Variants in ARL8B observed in about 807,000 individuals in gnomAD.
ARL8B encodes the protein ADP-ribosylation factor-like protein 8B.
ARL8B carries 9 observed loss-of-function variants against 30.6 expected under a neutral mutation model. The ratio of observed to expected loss-of-function variants is 0.29; its 90% confidence interval spans 0.18 to 0.51. The LOEUF is 0.51. ARL8B is among the 20% of genes least tolerant of loss of function. The pLI, the probability that ARL8B is intolerant of heterozygous loss-of-function variation, is 0.97. For synonymous variants in ARL8B, 74 were observed against 76.0 expected (o/e 0.97, Z 0.14); for missense variants, 130 against 227.2 (o/e 0.57, Z 2.75).
chr3:5,126,179 G>T (rs1054259225), intron 1 of ARL8B, among the ~76,000 whole-genome samples: 27 of 151,742 alleles, frequency 1.8e-4, no homozygotes, highest in Admixed American at 1.8e-3. Context: ...AATATGTTGA[G>T]GATGTAGTGA....
intron 1 of ARL8B, among the ~76,000 whole-genome samples, chr3:5,153,047 G>A (rs1395762859): frequency 3.3e-5 from 5 of 151,914 alleles, no homozygotes; most frequent in African/African-American, 9.7e-5. Flanking sequence ...TTTCTCTATT[G>A]GGGTTTTGAC....
intron 1 of ARL8B, among the ~76,000 whole-genome samples, chr3:5,130,439 G>T (rs1248556089): frequency 6.6e-6 from 1 of 151,842 alleles, no homozygotes; most frequent in Non-Finnish European, 1.5e-5. Context: ...TTGGTAGATT[G>T]CATATTCCAT....
chr3:5,178,591 C>A (rs2054751116), intron 6 of ARL8B, 73 bp from the exon 7 acceptor site: 10 of 1,465,640 alleles, frequency 6.8e-6, no homozygotes, highest in Admixed American at 5.7e-5. Flanking sequence ...AATTAGCTGC[C>A]TTTTAAATAT....
intron 1 of ARL8B, among the ~76,000 whole-genome samples, chr3:5,123,958 C>T (rs559392276): frequency 6.6e-6 from 1 of 152,286 alleles, no homozygotes; most frequent in South Asian, 2.1e-4. Context: ...ACTGCAACCT[C>T]CACCTCCCAG....
intron 1 of ARL8B, among the ~76,000 whole-genome samples, chr3:5,133,797 A>G (rs2054303348): frequency 6.6e-6 from 1 of 151,992 alleles, no homozygotes; most frequent in African/African-American, 2.4e-5. Context: ...AATTAGCTGG[A>G]TGTGCTGCTG....
At chr3:5,124,233 G>A (rs1237241971) in intron 1 of ARL8B, among the ~76,000 whole-genome samples, 1 of 149,884 alleles carries the variant, frequency 6.7e-6, no homozygotes, top group Non-Finnish European at 1.5e-5. Context: ...ATAGAAGAGT[G>A]GAATGTGTAT....
chr3:5,142,331 C>T (rs955391329), intron 1 of ARL8B, among the ~76,000 whole-genome samples: 15 of 152,184 alleles, frequency 9.9e-5, no homozygotes, highest in African/African-American at 2.7e-4. Flanking sequence ...AGGAGTGGTT[C>T]ATATTCCCTA....
At chr3:5,135,977 G>A (rs909742327) in intron 1 of ARL8B, among the ~76,000 whole-genome samples, 1 of 150,884 alleles carries the variant, frequency 6.6e-6, no homozygotes, top group Non-Finnish European at 1.5e-5. Context: ...TAGTAGAGAC[G>A]GGGTTTCACC....
chr3:5,157,465 G>T (rs2054543129), intron 1 of ARL8B, among the ~76,000 whole-genome samples: 1 of 150,124 alleles, frequency 6.7e-6, no homozygotes, highest in Non-Finnish European at 1.5e-5. Context: ...GGTAGGAGAA[G>T]GAATCGCAAA....
intron 6 of ARL8B, among the ~76,000 whole-genome samples, chr3:5,174,641 C>G (rs1221567451): frequency 4.2e-5 from 6 of 143,314 alleles, no homozygotes; most frequent in Non-Finnish European, 7.6e-5. Flanking sequence ...CTCTCTCTCT[C>G]TCATACAAAT....
intron 1 of ARL8B, among the ~76,000 whole-genome samples, chr3:5,136,471 C>T (rs934303853): frequency 3.3e-5 from 5 of 152,052 alleles, no homozygotes; most frequent in Non-Finnish European, 5.9e-5. Flanking sequence ...CTAATTCTTC[C>T]GCCTCCTGTC....
intron 1 of ARL8B, among the ~76,000 whole-genome samples, chr3:5,130,078 G>A (rs893049777): frequency 6.6e-6 from 1 of 152,112 alleles, no homozygotes; most frequent in African/African-American, 2.4e-5. Context: ...TGGCAAGGCT[G>A]ACCTCGAACT....
intron 1 of ARL8B, among the ~76,000 whole-genome samples, chr3:5,127,872 C>CAGAA (rs1553576796): frequency 0.01 from 107 of 10,594 alleles, 1 homozygote; most frequent in South Asian, 0.022. Flanking sequence ...GACTCCGTCT[C>CAGAA]AAAAAAAAAA....
At chr3:5,148,114 C>T (rs2054446164) in intron 1 of ARL8B, among the ~76,000 whole-genome samples, 2 of 151,992 alleles carry the variant, frequency 1.3e-5, no homozygotes, top group East Asian at 1.9e-4. Context: ...CCCCTTTCTT[C>T]TCCTGTGAAT....
Position 5,172,205 on chromosome 3 carries a change from G to T in ARL8B, c.260G>T (p.Arg87Ile). The T allele has an allele frequency of 6.2e-7, 1 of 1,613,564 alleles. No individual in the cohort carries two copies. The highest frequency in any genetic ancestry group is 1.1e-5 in the South Asian group (1 of 90,984). Residue 87 changes from arginine to isoleucine, a missense_variant, in exon 3 of 7, where the codon AGA (arginine) becomes ATA (isoleucine). Coordinates refer to ENST00000256496, the MANE Select transcript of ARL8B (RefSeq NM_018184.3). ...CGAAGCATGTGGGAGCGGTATTGCA[G>T]AGGAGTCAATGCTATTGTGTAAGTG... ...RFRSMWERYC[R>I]GVNAIVYMID...
rs575761952 is a variant in ARL8B at position 5,148,534 on chromosome 3, C to T, written c.124-21969C>T. ...TTGTGAGATGTATGGAGGGGGCATG[C>T]GTGATAGGTGGTTCCAGGGCCTTTC... On this transcript the variant is annotated intron_variant, in intron 1 of 6. Coordinates refer to ENST00000256496, the MANE Select transcript of ARL8B (RefSeq NM_018184.3). Among the ~76,000 whole-genome samples, 7 of 152,206 alleles carry T rather than the reference C, an allele frequency of 4.6e-5. No homozygotes were observed. In the Middle Eastern group the frequency reaches 0.01, roughly 222 times the overall value.
At chr3:5,139,750 C>T (rs1417450358) in intron 1 of ARL8B, among the ~76,000 whole-genome samples, 1 of 152,176 alleles carries the variant, frequency 6.6e-6, no homozygotes, top group African/African-American at 2.4e-5. Flanking sequence ...AGAAAAACTC[C>T]TATGTAACTT....
rs879601140 is a variant in ARL8B at position 5,169,303 on chromosome 3, GTT to G, written c.124-1198_124-1197del. Among the ~76,000 whole-genome samples, 29 of 119,158 alleles carry G rather than the reference GTT, an allele frequency of 2.4e-4. No homozygotes were observed. The East Asian group carries it at 2.7e-3, about 11-fold the overall frequency. 78.2% of individuals were successfully genotyped at this position (119,158 alleles called of 152,430 possible). Reference sequence around the variant, plus strand: ...GGTACCTCATAAAGTGAAATACAGTGTTTGTGTGTGTGTGTGTGTGTGTGTGT... The same window carrying G: ...GGTACCTCATAAAGTGAAATACAGTGTGTGTGTGTGTGTGTGTGTGTGTGT... On this transcript the variant is annotated intron_variant, in intron 1 of 6. Coordinates refer to ENST00000256496, the MANE Select transcript of ARL8B (RefSeq NM_018184.3).
At chr3:5,143,967 C>A (rs2054398290) in intron 1 of ARL8B, among the ~76,000 whole-genome samples, 1 of 152,182 alleles carries the variant, frequency 6.6e-6, no homozygotes, top group African/African-American at 2.4e-5. Flanking sequence ...ACATTTCATT[C>A]AAGGCATTTT....
Sources: allele counts gnomAD v4.1 joint callset (sites outside exome capture counted in the v4.1 genomes callset), GRCh38; gene constraint gnomAD v4.1.1; transcripts MANE v1.5; gene names NCBI Gene and HGNC (gene_info 2026-07-23, HGNC 2026-07-21).